HTR4: variants seen among roughly 807,000 people sequenced by gnomAD.
The protein encoded by HTR4 is 5-hydroxytryptamine receptor 4, also known as 5-hydroxytryptamine (serotonin) receptor 4, G protein-coupled.
A neutral mutation model predicts 36.8 loss-of-function variants in HTR4; 16 were observed. The ratio of observed to expected loss-of-function variants is 0.43; its 90% CI spans 0.29 to 0.66. HTR4 has a LOEUF of 0.66. Ranked by LOEUF, HTR4 falls within the 30% of genes least tolerant of loss-of-function variation. The pLI, the probability that HTR4 is intolerant of heterozygous loss-of-function variation, is 0.13. For missense variants in HTR4, 438 were observed against 490.9 expected, an observed-to-expected ratio of 0.89 and a Z score of 1.02; for synonymous variants, 189 against 185.1, an observed-to-expected ratio of 1.02 and a Z score of -0.17.
At chr5:148,535,890 T>C (rs1758795631) in intron 4 of HTR4, among the ~76,000 whole-genome samples, 2 of 151,988 alleles carry the variant, frequency 1.3e-5, no homozygotes, top group Non-Finnish European at 2.9e-5. Flanking sequence ...AGAGAACTCC[T>C]GCAAGATTCT....
chr5:148,554,015 G>A (rs1759816486), intron 2 of HTR4, among the ~76,000 whole-genome samples: 1 of 152,020 alleles, frequency 6.6e-6, no homozygotes, highest in South Asian at 2.1e-4. Flanking sequence ...AATAGAATGT[G>A]GTATATACAT....
intron 5 of HTR4, among the ~76,000 whole-genome samples, chr5:148,467,864 G>A (rs1325014467): frequency 6.6e-6 from 1 of 152,104 alleles, no homozygotes; most frequent in Non-Finnish European, 1.5e-5. Flanking sequence ...CAAAGCCCTT[G>A]GACATCCATT....
intron 2 of HTR4, among the ~76,000 whole-genome samples, chr5:148,627,963 A>G (rs576063696): frequency 1.3e-5 from 2 of 152,354 alleles, no homozygotes; most frequent in Non-Finnish European, 2.9e-5. Flanking sequence ...CAGATTGCAC[A>G]CTGAACAACT....
At chr5:148,584,841 C>A (rs931798303) in intron 2 of HTR4, among the ~76,000 whole-genome samples, 2 of 152,094 alleles carry the variant, frequency 1.3e-5, no homozygotes, top group Non-Finnish European at 2.9e-5. Flanking sequence ...TCTCTTTGAA[C>A]CAAAATTGAT....
At chr5:148,575,491 G>A (rs1760856873) in intron 2 of HTR4, among the ~76,000 whole-genome samples, 1 of 152,042 alleles carries the variant, frequency 6.6e-6, no homozygotes, top group South Asian at 2.1e-4. Flanking sequence ...ATGAACTGCT[G>A]TGGGAGCATC....
At chr5:148,503,920 G>T (rs1757055457) in intron 6 of HTR4, among the ~76,000 whole-genome samples, 2 of 152,122 alleles carry the variant, frequency 1.3e-5, no homozygotes. Context: ...ATGGTAAAGG[G>T]ATCAATTCAA....
chr5:148,572,976 T>C (rs4599527), intron 2 of HTR4, among the ~76,000 whole-genome samples: 37,507 of 151,924 alleles, frequency 0.25, 5,621 homozygotes, highest in African/African-American at 0.41. Flanking sequence ...TTAACCAGAA[T>C]AATGAAGGTT....
intron 2 of HTR4, among the ~76,000 whole-genome samples, chr5:148,559,785 G>A (rs767285304): frequency 2.3e-4 from 35 of 152,000 alleles, no homozygotes; most frequent in Non-Finnish European, 4.1e-4. Flanking sequence ...AAGCAATTAC[G>A]TAAGATGCCT....
intron 2 of HTR4, among the ~76,000 whole-genome samples, chr5:148,569,287 A>G: frequency 6.6e-6 from 1 of 152,142 alleles, no homozygotes; most frequent in Non-Finnish European, 1.5e-5. Context: ...GTTCTCACTT[A>G]TAAGTGGGAA....
chr5:148,581,960 G>C (rs1391673959), intron 2 of HTR4, among the ~76,000 whole-genome samples: 1 of 151,834 alleles, frequency 6.6e-6, no homozygotes, highest in Non-Finnish European at 1.5e-5. Flanking sequence ...TGTATTTTTG[G>C]GAAAAGCACA....
At chr5:148,556,102 C>A (rs1234239711) in intron 2 of HTR4, among the ~76,000 whole-genome samples, 1 of 152,208 alleles carries the variant, frequency 6.6e-6, no homozygotes, top group Non-Finnish European at 1.5e-5. Flanking sequence ...CAGCTCACTG[C>A]AACCTCTGCC....
At chr5:148,487,665 A>G (rs771249348) in intron 6 of HTR4, among the ~76,000 whole-genome samples, 1 of 152,170 alleles carries the variant, frequency 6.6e-6, no homozygotes, top group East Asian at 1.9e-4. Context: ...CAGCCATTCT[A>G]TTCATACCAG....
At chr5:148,524,288 A>G (rs1561596089) in intron 4 of HTR4, among the ~76,000 whole-genome samples, 1 of 152,196 alleles carries the variant, frequency 6.6e-6, no homozygotes, top group Non-Finnish European at 1.5e-5. Flanking sequence ...CATGAACAGA[A>G]TTGACATGCA....
At chr5:148,633,154 C>T (rs1231185967) in intron 2 of HTR4, among the ~76,000 whole-genome samples, 3 of 152,102 alleles carry the variant, frequency 2.0e-5, no homozygotes, top group Non-Finnish European at 4.4e-5. Context: ...AGGGACAGGA[C>T]TCATCAGGAA....
chr5:148,570,771 A>T (rs1760642132), intron 2 of HTR4, among the ~76,000 whole-genome samples: 1 of 151,904 alleles, frequency 6.6e-6, no homozygotes, highest in African/African-American at 2.4e-5. Flanking sequence ...TTGCATTTTG[A>T]CCTATCTGGT....
At chr5:148,566,504 T>C (rs370170199) in intron 2 of HTR4, among the ~76,000 whole-genome samples, 1 of 152,116 alleles carries the variant, frequency 6.6e-6, no homozygotes, top group East Asian at 1.9e-4. Context: ...CAGGACAAAG[T>C]GAAAAGCAAA....
At chr5:148,542,031 T>C (rs945978746) in intron 4 of HTR4, among the ~76,000 whole-genome samples, 2 of 152,178 alleles carry the variant, frequency 1.3e-5, no homozygotes, top group Non-Finnish European at 2.9e-5. Flanking sequence ...ACTGTCTGTA[T>C]TCCCAACTAG....
downstream of HTR4, among the ~76,000 whole-genome samples, chr5:148,473,570 T>A (rs1490629324): frequency 6.6e-6 from 1 of 152,242 alleles, no homozygotes; most frequent in East Asian, 1.9e-4. Flanking sequence ...TACTACTTTT[T>A]GCCTGGCTTT....
intron 5 of HTR4, chr5:148,520,808 G>T: frequency 1.6e-6 from 2 of 1,227,182 alleles, no homozygotes; most frequent in Non-Finnish European, 2.2e-6. Flanking sequence ...GAAACTGACA[G>T]TTTAAAATAA....
Sources: gnomAD v4.1 joint callset for allele counts (sites outside exome capture counted in the v4.1 genomes callset) on GRCh38, gnomAD v4.1.1 for gene constraint, MANE v1.5 for transcripts, NCBI Gene and HGNC (gene_info 2026-07-23, HGNC 2026-07-21) for gene names.